The following GALNT5 variants were observed in gnomAD, a reference collection of about 807,000 sequenced individuals.
GALNT5 encodes UDP-GalNAc:polypeptide N-acetylgalactosaminyltransferase 5.
In GALNT5, 72 loss-of-function variants were observed where a neutral mutation model predicts 85.4. The ratio of observed to expected loss-of-function variants is 0.84; its 90% CI spans 0.70 to 1.03. GALNT5 has a LOEUF of 1.03. Ranked by LOEUF, GALNT5 falls within the 50% of genes least tolerant of loss-of-function variation. GALNT5 has a pLI of 0.00. For missense variants in GALNT5, 1,137 were observed against 1,135.5 expected (o/e 1.00, Z -0.02); for synonymous variants, 404 against 397.0 (o/e 1.02, Z -0.21).
intron 7 of GALNT5, among the ~76,000 whole-genome samples, chr2:157,305,409 T>C (rs920592471): frequency 6.6e-6 from 1 of 152,198 alleles, no homozygotes; most frequent in Non-Finnish European, 1.5e-5. Flanking sequence ...TTTTAGTATA[T>C]GCATTAGATA....
At position 157,314,969 on chromosome 2, in the gene GALNT5, C is replaced by G. The variant is rs1232605053; in HGVS notation, c.*3621C>G. ...GGTGGGCGCCTGTAATCCCAGCTAC[C>G]TGGGAGGCTGAAGCAGGAGAATTGC... On this transcript the variant is annotated 3_prime_UTR_variant, in exon 10 of 10. Coordinates refer to ENST00000259056, the MANE Select transcript of GALNT5 (RefSeq NM_014568.3). Among the ~76,000 whole-genome samples, 1 of 151,838 alleles carries G rather than the reference C, an allele frequency of 6.6e-6. No homozygotes were observed. Among genetic ancestry groups the G allele is most frequent in the Non-Finnish European group, 1.5e-5 (1 of 67,954 alleles).
At chr2:157,301,274 T>C (rs1057167243) in intron 7 of GALNT5, among the ~76,000 whole-genome samples, 2 of 152,214 alleles carry the variant, frequency 1.3e-5, no homozygotes, top group Non-Finnish European at 2.9e-5. Flanking sequence ...TGAAGTAGAC[T>C]TGGTTCCTTC....
intron 1 of GALNT5, among the ~76,000 whole-genome samples, chr2:157,275,861 G>A (rs901233890): frequency 6.6e-6 from 1 of 152,130 alleles, no homozygotes; most frequent in Non-Finnish European, 1.5e-5. Flanking sequence ...ACACTATGTT[G>A]AATAGGAGTG....
intron 1 of GALNT5, among the ~76,000 whole-genome samples, chr2:157,261,033 C>A (rs1375308351): frequency 6.6e-6 from 1 of 152,222 alleles, no homozygotes; most frequent in South Asian, 2.1e-4. Context: ...TCTTCCATCT[C>A]TTGCCAATCT....
chr2:157,258,880 T>C lies in GALNT5; in HGVS notation c.798T>C (p.Asn266=). The C allele has an allele frequency of 1.3e-6, 2 of 1,572,370 alleles. No individual in the cohort carries two copies. The highest frequency in any genetic ancestry group is 1.4e-5 in the African/African-American group (1 of 73,128). The change falls in exon 1 of 10, where the codon AAT becomes AAC. Residue 266 remains asparagine, a synonymous_variant. Transcript: ENST00000259056. Reference sequence around the variant, plus strand: ...CTAAGACTCAGAGCAAAGAAGTCAATGCAAATAAACACAAAGCCAATACGA... The same window carrying C: ...CTAAGACTCAGAGCAAAGAAGTCAACGCAAATAAACACAAAGCCAATACGA... The part of the protein sequence containing the change: ...NKTKTQSKEV[N]ANKHKANTSL...
At chr2:157,309,692 C>A (rs2105172447) in intron 9 of GALNT5, among the ~76,000 whole-genome samples, 1 of 152,302 alleles carries the variant, frequency 6.6e-6, no homozygotes, top group South Asian at 2.1e-4. Flanking sequence ...AATGACTATT[C>A]TTTTCTCAAC....
At position 157,274,124 on chromosome 2, in the gene GALNT5, T is replaced by C. The variant is rs534265247; in HGVS notation, c.1455-10158T>C. 2.1e-3 allele frequency among the ~76,000 whole-genome samples: 322 copies of C among 152,276 alleles called. 1 individual carries two copies. Among genetic ancestry groups the C allele is most frequent in the African/African-American group, 7.1e-3 (295 of 41,544 alleles). On this transcript the variant is annotated intron_variant, in intron 1 of 9. Coordinates refer to ENST00000259056, the MANE Select transcript of GALNT5 (RefSeq NM_014568.3). ...TTTGCTGAGAATGATGGTTTTCAGCTTCATCCATGTACCTACAAAGGACAT... is the reference window on the plus strand; with the variant it reads ...TTTGCTGAGAATGATGGTTTTCAGCCTCATCCATGTACCTACAAAGGACAT...
intron 3 of GALNT5, among the ~76,000 whole-genome samples, chr2:157,287,982 C>T (rs1021572030): frequency 3.3e-5 from 5 of 152,154 alleles, no homozygotes; most frequent in Non-Finnish European, 1.5e-5. Context: ...TATGCAAGCT[C>T]CCCCATCTAG....
At chr2:157,301,055 C>CT (rs1683333293) in intron 7 of GALNT5, 56 bp downstream of exon 7, 1 of 1,272,748 alleles carries the variant, frequency 7.9e-7, no homozygotes, top group African/African-American at 1.5e-5. Context: ...CACAAAATCT[C>CT]TTTCAAAAAT....
chr2:157,271,166 T>C (rs1367183275), intron 1 of GALNT5, among the ~76,000 whole-genome samples: 1 of 150,702 alleles, frequency 6.6e-6, no homozygotes, highest in Non-Finnish European at 1.5e-5. Context: ...ATATTTAAGA[T>C]AGGAACTAAA....
At chr2:157,276,424 G>T (rs185589358) in intron 1 of GALNT5, among the ~76,000 whole-genome samples, 3 of 152,252 alleles carry the variant, frequency 2.0e-5, no homozygotes, top group African/African-American at 7.2e-5. Context: ...TGTACCTCTG[G>T]TAGAATTCGG....
chr2:157,291,284 A>G (rs2105151031), intron 3 of GALNT5, among the ~76,000 whole-genome samples: 1 of 152,274 alleles, frequency 6.6e-6, no homozygotes, highest in East Asian at 1.9e-4. Flanking sequence ...CATTTCTATG[A>G]GCATTCTAAA....
At chr2:157,310,618 G>A (rs1289393143) in intron 9 of GALNT5, among the ~76,000 whole-genome samples, 2 of 151,992 alleles carry the variant, frequency 1.3e-5, no homozygotes, top group Non-Finnish European at 2.9e-5. Flanking sequence ...CCATTAGTAA[G>A]GTCTATCTAA....
intron 1 of GALNT5, 45 bp downstream of exon 1, chr2:157,259,581 G>C (rs1682292974): frequency 7.8e-6 from 10 of 1,289,736 alleles, no homozygotes; most frequent in Non-Finnish European, 1.0e-5. Flanking sequence ...AAGTGCTTTG[G>C]CTGTTATGTA....
At chr2:157,280,397 T>A (rs1028174024) in intron 1 of GALNT5, among the ~76,000 whole-genome samples, 1 of 151,896 alleles carries the variant, frequency 6.6e-6, no homozygotes, top group African/African-American at 2.4e-5. Context: ...AGAGAGAGAT[T>A]TGAGTGATTC....
rs79136790 is a variant in GALNT5 at position 157,284,459 on chromosome 2, C to T, written c.1621+11C>T. 35 of 1,610,726 alleles carry T rather than the reference C, an allele frequency of 2.2e-5. No homozygotes were observed. The East Asian group carries it at 7.8e-4, about 36-fold the overall frequency. ...ACTTCAGCACCAAAGGTAAGAAAAC[C>T]ACTCAGGCTATCTCTTGAAATTTCA... On this transcript the variant is annotated intron_variant, in intron 2 of 9. Coordinates refer to ENST00000259056, the MANE Select transcript of GALNT5 (RefSeq NM_014568.3).
rs1278292933 is a variant in GALNT5 at position 157,258,026 on chromosome 2, C to G, written c.-57C>G. Reference sequence around the variant, plus strand: ...GCTGCTGCTGCTACTTCAGCTTCCTCTCCACTCAAGGTAAGCAGGCTAAGG... The same window carrying G: ...GCTGCTGCTGCTACTTCAGCTTCCTGTCCACTCAAGGTAAGCAGGCTAAGG... On this transcript the variant is annotated 5_prime_UTR_variant, in exon 1 of 10. Transcript: ENST00000259056. The G allele has an allele frequency of 6.1e-5, 98 of 1,594,430 alleles. No homozygotes were observed. Among genetic ancestry groups the G allele is most frequent in the Non-Finnish European group, 8.4e-5 (98 of 1,171,562 alleles).
rs915092982 is a variant in GALNT5, at chr2:157,312,827, G to A, written c.*1479G>A. 6.6e-6 allele frequency: 1 copy of A among 152,078 alleles called. No homozygotes were observed. The highest frequency in any genetic ancestry group is 2.4e-5 in the African/African-American group (1 of 41,404). The allele number at this position is 152,078 out of a possible 1,614,324, so 9.4% of individuals were successfully genotyped here. ...AAAGAGATACACAATTCTTTGCTGG[G>A]ATTGGGTCCCTGGAGGACAACCATA... On this transcript the variant is annotated 3_prime_UTR_variant, in exon 10 of 10. Coordinates refer to ENST00000259056, the MANE Select transcript of GALNT5 (RefSeq NM_014568.3).
At chr2:157,309,681 C>A (rs1310258801) in intron 9 of GALNT5, among the ~76,000 whole-genome samples, 2 of 152,224 alleles carry the variant, frequency 1.3e-5, no homozygotes, top group Non-Finnish European at 2.9e-5. Context: ...TTTAACAACA[C>A]AATGACTATT....
Sources: allele counts gnomAD v4.1 joint callset (sites outside exome capture counted in the v4.1 genomes callset), GRCh38; gene constraint gnomAD v4.1.1; transcripts MANE v1.5; gene names NCBI Gene and HGNC (gene_info 2026-07-23, HGNC 2026-07-21).